ITPR2: variants seen among roughly 807,000 people sequenced by gnomAD.
ITPR2 encodes inositol 1,4,5-trisphosphate receptor type 2, also known as inositol 1,4,5-trisphosphate-gated calcium channel ITPR2.
In ITPR2, 207 loss-of-function variants were observed where a neutral mutation model predicts 317.1. The ratio of observed to expected loss-of-function variants is 0.65; its 90% confidence interval spans 0.58 to 0.73. The LOEUF (loss-of-function observed/expected upper bound fraction) is 0.73, where lower values mean the gene tolerates loss of function less well. Among genes scored for constraint, ITPR2 ranks in the 30% least tolerant of loss-of-function variants. ITPR2 has a pLI of 0.00. For synonymous variants in ITPR2, 1,156 were observed against 1,149.1 expected (o/e 1.01, Z -0.12); for missense variants, 2,613 against 3,284.0 (o/e 0.80, Z 4.99).
chr12:26,689,602 A>C (rs1948195618), intron 10 of ITPR2, among the ~76,000 whole-genome samples: 1 of 152,176 alleles, frequency 6.6e-6, no homozygotes, highest in Admixed American at 6.5e-5. Flanking sequence ...TGGATGGCAA[A>C]GACGCAGTTT....
chr12:26,681,008 T>G (rs924632758), intron 13 of ITPR2, among the ~76,000 whole-genome samples: 7 of 152,166 alleles, frequency 4.6e-5, no homozygotes, highest in African/African-American at 1.7e-4. Context: ...GTATGAGAGC[T>G]CCAATGTCTG....
chr12:26,758,218 T>C (rs1345439143), intron 2 of ITPR2, among the ~76,000 whole-genome samples: 2 of 152,244 alleles, frequency 1.3e-5, no homozygotes, highest in African/African-American at 4.8e-5. Flanking sequence ...AGAGATAGTA[T>C]ACATAAAAGC....
chr12:26,715,521 G>C, intron 7 of ITPR2, 76 bp from the exon 8 acceptor site: 1 of 1,323,094 alleles, frequency 7.6e-7, no homozygotes, highest in Non-Finnish European at 1.0e-6. Context: ...TGCTACTCTG[G>C]GCCCTTCTAC....
chr12:26,661,323 T>G (rs1228066426), intron 15 of ITPR2, among the ~76,000 whole-genome samples: 2 of 130,178 alleles, frequency 1.5e-5, no homozygotes, highest in Admixed American at 8.9e-5. Context: ...AGCGCACACG[T>G]GTGTGTGTTT....
chr12:26,496,007 G>A (rs1942923097), intron 37 of ITPR2, among the ~76,000 whole-genome samples: 1 of 152,052 alleles, frequency 6.6e-6, no homozygotes. Context: ...ACTGACTACA[G>A]GACATTTTTA....
At chr12:26,418,850 C>T (rs1940802616) in intron 50 of ITPR2, among the ~76,000 whole-genome samples, 199 bp downstream of exon 50, 1 of 152,048 alleles carries the variant, frequency 6.6e-6, no homozygotes, top group African/African-American at 2.4e-5. Context: ...ATAAAGAACT[C>T]CACCACCTGT....
chr12:26,768,429 A>ATT (rs1565748465), intron 2 of ITPR2, among the ~76,000 whole-genome samples: 43 of 57,352 alleles, frequency 7.5e-4, no homozygotes, highest in Non-Finnish European at 2.3e-3. Context: ...AAAAATTAAA[A>ATT]AAAAATAAAA....
intron 37 of ITPR2, among the ~76,000 whole-genome samples, chr12:26,507,498 G>A (rs546783688): frequency 3.9e-4 from 60 of 152,186 alleles, no homozygotes; most frequent in African/African-American, 1.3e-3. Context: ...ACTATAATCC[G>A]GGGCACTAAG....
rs1591840175 is a variant in ITPR2, at chr12:26,508,448, A to T, written c.5074-13188T>A. Among the ~76,000 whole-genome samples the T allele has an allele frequency of 2.6e-5, 4 of 152,250 alleles. No individual in the cohort carries two copies. In the East Asian group the frequency reaches 7.7e-4, roughly 29 times the overall value. Reference sequence around the variant, plus strand: ...GTTATTTCAGTGTTTTCCCTTTTTCATGATACATTTTCTATATGTAGCCCA... The same window carrying T: ...GTTATTTCAGTGTTTTCCCTTTTTCTTGATACATTTTCTATATGTAGCCCA... On this transcript the variant is annotated intron_variant, in intron 37 of 56. Transcript: ENST00000381340.
intron 35 of ITPR2, among the ~76,000 whole-genome samples, 194 bp from the exon 36 acceptor site, chr12:26,556,569 TG>T (rs1944669474): frequency 5.7e-5 from 7 of 121,862 alleles, no homozygotes; most frequent in African/African-American, 1.1e-4. Flanking sequence ...TTTTTTTTTG[TG>T]TGTGTGTGTG....
At chr12:26,565,067 G>A (rs1944914228) in intron 34 of ITPR2, among the ~76,000 whole-genome samples, 1 of 152,104 alleles carries the variant, frequency 6.6e-6, no homozygotes, top group African/African-American at 2.4e-5. Context: ...CGGACTTTAT[G>A]TCCATCTAAA....
At chr12:26,664,464 G>C (rs1947574838) in intron 14 of ITPR2, among the ~76,000 whole-genome samples, 1 of 152,172 alleles carries the variant, frequency 6.6e-6, no homozygotes, top group South Asian at 2.1e-4. Context: ...TTAGCAGTTA[G>C]GAAGCATTTA....
At position 26,685,813 on chromosome 12, in the gene ITPR2, C is replaced by G. The variant is rs76207277; in HGVS notation, c.1148+668G>C. On this transcript the variant is annotated intron_variant, in intron 11 of 56. Transcript: ENST00000381340. ...TGTTCCTGCTGCTTGAAATGTTCCT[C>G]CTAGGAAGAGAGGACTTGATTCCTT... Among the ~76,000 whole-genome samples the G allele has an allele frequency of 2.9e-3, 449 of 152,214 alleles. 2 individuals carry two copies. The highest frequency in any genetic ancestry group is 0.01 in the African/African-American group (430 of 41,532).
At chr12:26,781,517 C>A (rs1950076535) in intron 2 of ITPR2, among the ~76,000 whole-genome samples, 4 of 152,092 alleles carry the variant, frequency 2.6e-5, no homozygotes, top group Admixed American at 2.6e-4. Context: ...TCCGGTTGTA[C>A]AAAGGACAGT....
At chr12:26,440,423 A>G (rs1385603348) in intron 46 of ITPR2, among the ~76,000 whole-genome samples, 1 of 152,212 alleles carries the variant, frequency 6.6e-6, no homozygotes, top group Non-Finnish European at 1.5e-5. Context: ...AGATGTGAAG[A>G]GTCTGCATAT....
chr12:26,452,067 C>T (rs924959994), intron 45 of ITPR2, among the ~76,000 whole-genome samples: 11 of 152,122 alleles, frequency 7.2e-5, no homozygotes, highest in Non-Finnish European at 1.0e-4. Flanking sequence ...GGCCCGACCT[C>T]AAGCCTCCCA....
chr12:26,512,587 CTT>C (rs1238187323), intron 37 of ITPR2, among the ~76,000 whole-genome samples: 1 of 152,154 alleles, frequency 6.6e-6, no homozygotes, highest in Non-Finnish European at 1.5e-5. Context: ...GTTGTCTCAC[CTT>C]TCTGGACCTA....
chr12:26,569,722 T>G (rs943263423), intron 34 of ITPR2, among the ~76,000 whole-genome samples: 35 of 152,108 alleles, frequency 2.3e-4, no homozygotes, highest in African/African-American at 8.2e-4. Flanking sequence ...TATCAATCAT[T>G]TAATGTTTTT....
intron 34 of ITPR2, among the ~76,000 whole-genome samples, chr12:26,571,137 T>G (rs1204542603): frequency 1.3e-5 from 2 of 152,214 alleles, no homozygotes; most frequent in Middle Eastern, 3.2e-3. Context: ...TATCAGTAAT[T>G]TCTACATATA....
Sources: gnomAD v4.1 joint callset for allele counts (sites outside exome capture counted in the v4.1 genomes callset) on GRCh38, gnomAD v4.1.1 for gene constraint, MANE v1.5 for transcripts, NCBI Gene and HGNC (gene_info 2026-07-23, HGNC 2026-07-21) for gene names.